The following SS18 variants were observed in gnomAD, a reference collection of about 807,000 sequenced individuals.
The protein encoded by SS18 is protein SSXT.
In SS18, 28 loss-of-function variants were observed where a neutral mutation model predicts 72.5. That is an observed-to-expected ratio of 0.39 (90% CI 0.29 to 0.53). The LOEUF (loss-of-function observed/expected upper bound fraction) is 0.53. Among genes scored for constraint, SS18 ranks in the 20% least tolerant of loss-of-function variants. SS18 has a pLI of 0.76. For missense variants in SS18, 518 were observed against 535.3 expected (o/e 0.97, Z 0.32); for synonymous variants, 172 against 164.2 (o/e 1.05, Z -0.37).
At chr18:26,036,820 T>C (rs1340562056) in intron 7 of SS18, among the ~76,000 whole-genome samples, 1 of 152,146 alleles carries the variant, frequency 6.6e-6, no homozygotes, top group Non-Finnish European at 1.5e-5. Context: ...TGGCAAACTA[T>C]GGCCTGCAGT....
intron 3 of SS18, among the ~76,000 whole-genome samples, chr18:26,070,270 G>T (rs528641525): frequency 6.6e-6 from 1 of 152,216 alleles, no homozygotes; most frequent in South Asian, 2.1e-4. Flanking sequence ...GGTTTACCAA[G>T]ATAGGGCCCT....
chr18:26,085,315 A>G (rs1375969213), intron 2 of SS18, among the ~76,000 whole-genome samples: 2 of 152,194 alleles, frequency 1.3e-5, no homozygotes, highest in East Asian at 3.8e-4. Context: ...GATTTCAGGC[A>G]TGAACCATCG....
chr18:26,048,718 C>T (rs899420154), intron 5 of SS18, among the ~76,000 whole-genome samples: 2 of 152,176 alleles, frequency 1.3e-5, no homozygotes, highest in African/African-American at 4.8e-5. Flanking sequence ...AAAGAGTACA[C>T]TGACAGAAAG....
At chr18:26,049,264 T>A (rs2053880783) in intron 5 of SS18, among the ~76,000 whole-genome samples, 1 of 142,984 alleles carries the variant, frequency 7.0e-6, no homozygotes, top group Non-Finnish European at 1.5e-5. Flanking sequence ...TTTCATACAC[T>A]GAATGTACTT....
At position 26,024,974 on chromosome 18, in the gene SS18, C is replaced by T. The variant is rs947456644; in HGVS notation, c.1231-6594G>A. Among the ~76,000 whole-genome samples the T allele has an allele frequency of 1.3e-4, 20 of 151,704 alleles. 1 individual carries two copies. The highest frequency in any genetic ancestry group is 4.8e-4 in the African/African-American group (20 of 41,260). On this transcript the variant is annotated intron_variant, in intron 10 of 10. Coordinates refer to ENST00000415083, the MANE Select transcript of SS18 (RefSeq NM_001007559.3). The stretch of plus-strand genomic sequence containing the variant: ...TGTTAAAGGATGAAAAATTATTATT[C>T]TAATACTAATCAAAAGAAAAGTGGT...
At chr18:26,066,712 C>G (rs1333771067) in intron 3 of SS18, among the ~76,000 whole-genome samples, 3 of 151,896 alleles carry the variant, frequency 2.0e-5, no homozygotes, top group Admixed American at 2.0e-4. Context: ...TATATACTGT[C>G]CAGCAAACAG....
At chr18:26,080,312 A>G (rs1394202953) in intron 2 of SS18, 1 of 984,614 alleles carries the variant, frequency 1.0e-6, no homozygotes, top group African/African-American at 1.7e-5. Context: ...AACCTGTTTC[A>G]GTCTAGGCCT....
intron 1 of SS18, among the ~76,000 whole-genome samples, chr18:26,088,843 CT>C (rs546507707): frequency 1.3e-3 from 198 of 151,880 alleles, no homozygotes; most frequent in South Asian, 4.4e-3. Flanking sequence ...TTAACTGTCA[CT>C]TTTTTATGCA....
intron 2 of SS18, chr18:26,081,392 T>C (rs768308351): frequency 6.6e-6 from 1 of 152,234 alleles, no homozygotes; most frequent in Non-Finnish European, 1.5e-5. Context: ...GGTTTCACCA[T>C]GTTGGCCAGG....
At chr18:26,021,031 T>C (rs1347209739) in intron 10 of SS18, among the ~76,000 whole-genome samples, 1 of 152,172 alleles carries the variant, frequency 6.6e-6, no homozygotes, top group East Asian at 1.9e-4. Context: ...CTCCATTTTA[T>C]AGAAGAAGAA....
chr18:26,065,799 C>CAATATATATATATATATATATA (rs2054202000), intron 3 of SS18, among the ~76,000 whole-genome samples: 1 of 13,064 alleles, frequency 7.7e-5, no homozygotes. Flanking sequence ...GCCTACAAAT[C>CAATATATATATATATATATATA]CATATATATA....
At chr18:26,060,968 A>T (rs2054113691) in intron 3 of SS18, among the ~76,000 whole-genome samples, 1 of 150,782 alleles carries the variant, frequency 6.6e-6, no homozygotes, top group Non-Finnish European at 1.5e-5. Context: ...AAAAAAAAAA[A>T]ACAGATTATG....
At chr18:26,027,482 A>G (rs565456668) in intron 10 of SS18, among the ~76,000 whole-genome samples, 1 of 152,032 alleles carries the variant, frequency 6.6e-6, no homozygotes, top group African/African-American at 2.4e-5. Flanking sequence ...CCCTGTCTCA[A>G]CTAAAAATAC....
At chr18:26,038,744 A>T in intron 6 of SS18, 85 bp from the exon 7 acceptor site, 1 of 1,253,698 alleles carries the variant, frequency 8.0e-7, no homozygotes. Flanking sequence ...ATTATGAAAG[A>T]TTATTTCTCA....
intron 2 of SS18, among the ~76,000 whole-genome samples, chr18:26,085,597 T>C (rs2054601833): frequency 6.6e-6 from 1 of 152,154 alleles, no homozygotes; most frequent in African/African-American, 2.4e-5. Context: ...TGCATAAATA[T>C]GAATGCATAT....
chr18:26,023,620 T>C (rs1033512902), intron 10 of SS18: 9 of 531,054 alleles, frequency 1.7e-5, no homozygotes, highest in African/African-American at 1.7e-4. Context: ...AAACAAACTG[T>C]CCACCTAGAA....
chr18:26,029,090 G>A (rs1355178834), intron 10 of SS18, among the ~76,000 whole-genome samples: 2 of 152,132 alleles, frequency 1.3e-5, no homozygotes. Context: ...AGGCATTCAG[G>A]CAGAAAAAGG....
chr18:26,023,735 G>A, intron 10 of SS18: 1 of 443,966 alleles, frequency 2.3e-6, no homozygotes, highest in Non-Finnish European at 4.2e-6. Flanking sequence ...TTCAAGAAAT[G>A]TTAACATCCT....
At chr18:26,059,117 C>T (rs2054075276) in intron 3 of SS18, among the ~76,000 whole-genome samples, 1 of 152,120 alleles carries the variant, frequency 6.6e-6, no homozygotes, top group Middle Eastern at 3.2e-3. Flanking sequence ...ATTACTGTTA[C>T]CACCATGCTA....
Sources: allele counts gnomAD v4.1 joint callset (sites outside exome capture counted in the v4.1 genomes callset), GRCh38; gene constraint gnomAD v4.1.1; transcripts MANE v1.5; gene names NCBI Gene and HGNC (gene_info 2026-07-23, HGNC 2026-07-21).